The following RAB6A variants were observed in gnomAD, a reference collection of about 807,000 sequenced individuals.
The protein encoded by RAB6A is RAB6A, member RAS oncogene family, also known as ras-related protein Rab-6A.
RAB6A carries 8 observed loss-of-function variants against 32.3 expected under a neutral mutation model. That is an observed-to-expected ratio of 0.25 (90% CI 0.15 to 0.45). The LOEUF (loss-of-function observed/expected upper bound fraction) is 0.45, where lower values mean the gene tolerates loss of function less well. RAB6A is among the 20% of genes least tolerant of loss of function. The pLI is 1.00. For synonymous variants in RAB6A, 73 were observed against 82.1 expected (o/e 0.89, Z 0.60); for missense variants, 104 against 249.4 (o/e 0.42, Z 3.93).
chr11:73,741,785 T>A (rs1359979984), intron 1 of RAB6A, among the ~76,000 whole-genome samples: 1 of 152,124 alleles, frequency 6.6e-6, no homozygotes, highest in Non-Finnish European at 1.5e-5. Context: ...AACTACATAA[T>A]ATTCTGGAAA....
intron 5 of RAB6A, among the ~76,000 whole-genome samples, chr11:73,713,827 CAA>C (rs1946005209): frequency 6.6e-6 from 1 of 152,012 alleles, no homozygotes; most frequent in Non-Finnish European, 1.5e-5. Context: ...GATAGTCTGG[CAA>C]AGATTACCAA....
In RAB6A at chr11:73,707,520, A is replaced by G; in HGVS notation, c.402-7T>C. On this transcript the variant is annotated splice_polypyrimidine_tract_variant and splice_region_variant and intron_variant, in intron 5 of 7. Coordinates refer to ENST00000336083, the MANE Select transcript of RAB6A (RefSeq NM_198896.2). Reference sequence around the variant, plus strand: ...CTCCTCAATTGACACTTGCCTGTAAAGAAACAAACAAACTTCTTACTTTTG... The same window carrying G: ...CTCCTCAATTGACACTTGCCTGTAAGGAAACAAACAAACTTCTTACTTTTG... 1 of 1,588,820 alleles carries G rather than the reference A, an allele frequency of 6.3e-7. No homozygotes were observed. The highest frequency in any genetic ancestry group is 1.1e-5 in the South Asian group (1 of 90,320).
intron 2 of RAB6A, chr11:73,730,538 T>A (rs1012071202): frequency 2.2e-6 from 1 of 460,996 alleles, no homozygotes; most frequent in Non-Finnish European, 3.8e-6. Flanking sequence ...CTAGATGATA[T>A]TGGAGATATA....
chr11:73,694,140 T>TTTGA (rs912864325), intron 6 of RAB6A, among the ~76,000 whole-genome samples: 2 of 152,204 alleles, frequency 1.3e-5, no homozygotes, highest in African/African-American at 4.8e-5. Flanking sequence ...CATTCGTGTT[T>TTTGA]TATTCAAATA....
Position 73,681,677 on chromosome 11 carries a change from C to T in RAB6A, c.496-1957G>A, listed in dbSNP as rs189422987. Among the ~76,000 whole-genome samples, 8 of 152,230 alleles carry T rather than the reference C, an allele frequency of 5.3e-5. No homozygotes were observed. The East Asian group carries it at 9.7e-4, about 18-fold the overall frequency. ...TACAAAAATTAGCCAGGCGTGGTAG[C>T]GCATGCCCGTAATCCCAGCTACTCG... On this transcript the variant is annotated intron_variant, in intron 6 of 7. Coordinates refer to ENST00000336083, the MANE Select transcript of RAB6A (RefSeq NM_198896.2).
At position 73,676,899 on chromosome 11, in the gene RAB6A, T is replaced by C. The variant is rs1198397838; in HGVS notation, c.*999A>G. 2 of 166,916 alleles carry C rather than the reference T, an allele frequency of 1.2e-5. No individual in the cohort carries two copies. Among genetic ancestry groups the C allele is most frequent in the African/African-American group, 2.4e-5 (1 of 41,468 alleles). 10.3% of individuals were successfully genotyped at this position (166,916 alleles called of 1,614,324 possible). ...ATTTAAATTCTTCCACTGGTTCTTC[T>C]GGAAGGAATTAAAACTTTTACAGTG... On this transcript the variant is annotated 3_prime_UTR_variant, in exon 8 of 8. Transcript: ENST00000336083.
At chr11:73,750,568 G>A (rs1459886421) in intron 1 of RAB6A, among the ~76,000 whole-genome samples, 4 of 152,110 alleles carry the variant, frequency 2.6e-5, no homozygotes, top group Non-Finnish European at 5.9e-5. Flanking sequence ...TGTTGGCCAA[G>A]CTGGTCTCAA....
At chr11:73,723,152 T>G (rs1439482875) in intron 2 of RAB6A, among the ~76,000 whole-genome samples, 1 of 152,086 alleles carries the variant, frequency 6.6e-6, no homozygotes, top group African/African-American at 2.4e-5. Context: ...AAGTACTGTG[T>G]AAGGTACTAG....
Position 73,692,686 on chromosome 11 carries a change from C to A in RAB6A, c.496-12966G>T, listed in dbSNP as rs570130829. On this transcript the variant is annotated intron_variant, in intron 6 of 7. Transcript: ENST00000336083. Reference sequence around the variant, plus strand: ...CAAATGCCTGCCGGGCGCGGTGGCTCACGCCTATAATCCCAGCACTTTGGG... The same window carrying A: ...CAAATGCCTGCCGGGCGCGGTGGCTAACGCCTATAATCCCAGCACTTTGGG... 1.3e-4 allele frequency among the ~76,000 whole-genome samples: 19 copies of A among 150,258 alleles called. No individual in the cohort carries two copies. The Admixed American group carries it at 1.3e-3, about 10-fold the overall frequency.
chr11:73,751,936 AT>A (rs1458496756), intron 1 of RAB6A, among the ~76,000 whole-genome samples: 1 of 152,186 alleles, frequency 6.6e-6, no homozygotes. Flanking sequence ...ACACAAGAGC[AT>A]AAAAAACAAA....
intron 6 of RAB6A, among the ~76,000 whole-genome samples, chr11:73,685,749 G>A (rs1945442500): frequency 6.7e-6 from 1 of 150,228 alleles, no homozygotes; most frequent in South Asian, 2.1e-4. Flanking sequence ...GCCAGGTGTG[G>A]TGGCAGATGC....
At chr11:73,758,970 C>T (rs1432878945) in intron 1 of RAB6A, among the ~76,000 whole-genome samples, 5 of 151,590 alleles carry the variant, frequency 3.3e-5, no homozygotes, top group Non-Finnish European at 5.9e-5. Context: ...GTATTTTTCC[C>T]CCCAAAAGGG....
chr11:73,678,694 TG>T (rs1945305128), intron 7 of RAB6A, among the ~76,000 whole-genome samples: 1 of 151,270 alleles, frequency 6.6e-6, no homozygotes, highest in Non-Finnish European at 1.5e-5. Context: ...GTTTTGTTTT[TG>T]AAACATATTA....
chr11:73,677,795 C>T lies in RAB6A; in HGVS notation c.*103G>A, dbSNP rs3182798. ...AATGATGAATTGCAATACGTTATTA[C>T]TGAAGGGAAAAGGTTCAAGCCAATA... On this transcript the variant is annotated 3_prime_UTR_variant, in exon 8 of 8. Coordinates refer to ENST00000336083, the MANE Select transcript of RAB6A (RefSeq NM_198896.2). The T allele has an allele frequency of 3.8e-6, 6 of 1,588,904 alleles. No individual in the cohort carries two copies. Among genetic ancestry groups the T allele is most frequent in the Non-Finnish European group, 5.2e-6 (6 of 1,159,994 alleles).
chr11:73,715,415 C>T (rs542105624), intron 5 of RAB6A, among the ~76,000 whole-genome samples: 622 of 152,298 alleles, frequency 4.1e-3, no homozygotes, highest in African/African-American at 0.014. Flanking sequence ...TGAGCCACCG[C>T]ACCCGGCCTG....
intron 1 of RAB6A, among the ~76,000 whole-genome samples, chr11:73,739,284 A>AAAAAAATATAAATATAT (rs1208877325): frequency 1.5e-4 from 1 of 6,754 alleles, no homozygotes; most frequent in African/African-American, 3.3e-4. Context: ...AAAAAAAAAA[A>AAAAAAATATAAATATAT]ATATATATAT....
chr11:73,738,388 G>A (rs1946434839), intron 1 of RAB6A, among the ~76,000 whole-genome samples: 1 of 152,176 alleles, frequency 6.6e-6, no homozygotes, highest in Non-Finnish European at 1.5e-5. Context: ...AGTGGCTCTT[G>A]CCTGTAATCC....
chr11:73,724,058 T>A (rs1387606392), intron 2 of RAB6A, among the ~76,000 whole-genome samples: 1 of 152,226 alleles, frequency 6.6e-6, no homozygotes, highest in Admixed American at 6.5e-5. Context: ...TTGAACTGTT[T>A]CTCAAATTCC....
chr11:73,752,207 C>A (rs76977337), intron 1 of RAB6A, among the ~76,000 whole-genome samples: 9,240 of 152,176 alleles, frequency 0.061, 386 homozygotes, highest in East Asian at 0.17. Context: ...ACCTGTAATC[C>A]CAGCACTTTG....
Sources: gnomAD v4.1 joint callset for allele counts (sites outside exome capture counted in the v4.1 genomes callset) on GRCh38, gnomAD v4.1.1 for gene constraint, MANE v1.5 for transcripts, NCBI Gene and HGNC (gene_info 2026-07-23, HGNC 2026-07-21) for gene names.